GRIK2: variants seen among roughly 807,000 people sequenced by gnomAD.
GRIK2 encodes the protein glutamate receptor ionotropic, kainate 2.
GRIK2 carries 32 observed loss-of-function variants against 100.3 expected under a neutral mutation model. The ratio of observed to expected loss-of-function variants is 0.32; its 90% CI spans 0.24 to 0.43. GRIK2 has a LOEUF of 0.43. Ranked by LOEUF, GRIK2 falls within the 20% of genes least tolerant of loss-of-function variation. The pLI, the probability that GRIK2 is intolerant of heterozygous loss-of-function variation, is 1.00. For synonymous variants in GRIK2, 417 were observed against 389.4 expected, an observed-to-expected ratio of 1.07 and a Z score of -0.83; for missense variants, 843 against 1,114.9, an observed-to-expected ratio of 0.76 and a Z score of 3.47.
intron 4 of GRIK2, among the ~76,000 whole-genome samples, chr6:101,673,838 A>G (rs1242399164): frequency 6.6e-6 from 1 of 152,180 alleles, no homozygotes; most frequent in Admixed American, 6.6e-5. Flanking sequence ...CAGAAACTTC[A>G]TCTGATTTTG....
intron 2 of GRIK2, among the ~76,000 whole-genome samples, chr6:101,496,968 T>G (rs373136992): frequency 1.0e-3 from 154 of 152,310 alleles, no homozygotes; most frequent in African/African-American, 3.6e-3. Context: ...GAAAAATAAT[T>G]AAAGTAAAAG....
chr6:101,888,654 A>G (rs1786831698), intron 11 of GRIK2, among the ~76,000 whole-genome samples: 1 of 152,160 alleles, frequency 6.6e-6, no homozygotes, highest in Non-Finnish European at 1.5e-5. Flanking sequence ...AATATTGTCA[A>G]CAAACTTTTC....
intron 2 of GRIK2, among the ~76,000 whole-genome samples, chr6:101,506,154 AG>A (rs1774016256): frequency 6.6e-6 from 1 of 152,148 alleles, no homozygotes; most frequent in Admixed American, 6.6e-5. Flanking sequence ...CTGGGGTCTA[AG>A]CCCAGGGAGT....
At chr6:101,484,602 T>A (rs1772718152) in intron 2 of GRIK2, among the ~76,000 whole-genome samples, 1 of 151,860 alleles carries the variant, frequency 6.6e-6, no homozygotes, top group South Asian at 2.1e-4. Flanking sequence ...GGTATTTATG[T>A]CTGATATGAG....
At chr6:101,473,368 T>C (rs1236203867) in intron 2 of GRIK2, among the ~76,000 whole-genome samples, 1 of 151,548 alleles carries the variant, frequency 6.6e-6, no homozygotes, top group East Asian at 1.9e-4. Context: ...GGTACCCGAG[T>C]TTTTCTTATA....
At chr6:101,683,803 C>G (rs10452664) in intron 6 of GRIK2, among the ~76,000 whole-genome samples, 56 of 152,258 alleles carry the variant, frequency 3.7e-4, no homozygotes, top group African/African-American at 1.3e-3. Flanking sequence ...TCTGAATTGA[C>G]GTCTCTTCTG....
intron 2 of GRIK2, among the ~76,000 whole-genome samples, chr6:101,524,718 G>GTTTTTTTTT (rs11339091): frequency 1.5e-5 from 2 of 134,284 alleles, no homozygotes. Flanking sequence ...TTGCATGTTC[G>GTTTTTTTTT]TTTTTTTTTT....
At chr6:101,969,384 C>T (rs1344168671) in intron 14 of GRIK2, among the ~76,000 whole-genome samples, 2 of 151,356 alleles carry the variant, frequency 1.3e-5, no homozygotes, top group Admixed American at 1.3e-4. Context: ...TGTTCTATAG[C>T]CTGTTTAATT....
At chr6:102,029,794 T>G (rs1769889937) in intron 14 of GRIK2, among the ~76,000 whole-genome samples, 1 of 151,130 alleles carries the variant, frequency 6.6e-6, no homozygotes, top group Non-Finnish European at 1.5e-5. Context: ...ACAGTTGACC[T>G]CAATAAAATA....
intron 14 of GRIK2, among the ~76,000 whole-genome samples, chr6:101,991,337 T>C (rs1019141915): frequency 1.3e-5 from 2 of 151,284 alleles, no homozygotes; most frequent in Non-Finnish European, 3.0e-5. Context: ...GACAGGCAAG[T>C]AATAGTATGA....
intron 14 of GRIK2, among the ~76,000 whole-genome samples, chr6:102,006,392 T>A (rs2782910): frequency 0.18 from 17,436 of 94,872 alleles, 1,206 homozygotes; most frequent in Middle Eastern, 0.24. Context: ...ATATATATAT[T>A]TTTTTTTTTT....
At position 101,689,083 on chromosome 6, in the gene GRIK2, C is replaced by T. The variant is rs1243378682; in HGVS notation, c.951+2730C>T. On this transcript the variant is annotated intron_variant, in intron 7 of 16. Coordinates refer to ENST00000369134, the MANE Select transcript of GRIK2 (RefSeq NM_021956.5). The stretch of plus-strand genomic sequence containing the variant: ...TTCAATTTAAAATTGTAAGCATTTT[C>T]ACAAGTCATTAAATGTTTAGGAAAA... Among the ~76,000 whole-genome samples the T allele has an allele frequency of 1.3e-5, 2 of 151,810 alleles. 1 individual carries two copies. The highest frequency in any genetic ancestry group is 2.9e-5 in the Non-Finnish European group (2 of 67,862).
chr6:101,866,959 TTA>T (rs1178823164), intron 11 of GRIK2, among the ~76,000 whole-genome samples: 1 of 151,842 alleles, frequency 6.6e-6, no homozygotes, highest in African/African-American at 2.4e-5. Context: ...TTTTAAAGTT[TTA>T]GTTTGTCACA....
At chr6:101,750,268 G>A (rs560817047) in intron 7 of GRIK2, among the ~76,000 whole-genome samples, 1 of 152,292 alleles carries the variant, frequency 6.6e-6, no homozygotes, top group East Asian at 1.9e-4. Flanking sequence ...GAAGGTAAGT[G>A]ACAGGGCTAG....
intron 15 of GRIK2, among the ~76,000 whole-genome samples, chr6:102,053,037 C>A (rs1283251751): frequency 6.6e-6 from 1 of 151,828 alleles, no homozygotes; most frequent in Non-Finnish European, 1.5e-5. Flanking sequence ...CACTGCACTC[C>A]AGCCTGGGTG....
chr6:102,037,650 T>C (rs1770342758), intron 15 of GRIK2, among the ~76,000 whole-genome samples: 1 of 151,396 alleles, frequency 6.6e-6, no homozygotes, highest in Non-Finnish European at 1.5e-5. Flanking sequence ...TGTATTAAAA[T>C]GATTGTGTTT....
At position 101,729,826 on chromosome 6, in the gene GRIK2, TC is replaced by T. The variant is rs533474640; in HGVS notation, c.951+43474del. 7.2e-5 allele frequency among the ~76,000 whole-genome samples: 11 copies of T among 152,066 alleles called. No individual in the cohort carries two copies. The South Asian group carries it at 1.9e-3, about 26-fold the overall frequency. On this transcript the variant is annotated intron_variant, in intron 7 of 16. Coordinates refer to ENST00000369134, the MANE Select transcript of GRIK2 (RefSeq NM_021956.5). ...AATAGATTTGTCTAACAATATTTGT[TC>T]GGAAATAGAACATTTGGACTTTTTA...
intron 14 of GRIK2, among the ~76,000 whole-genome samples, chr6:101,974,276 G>A (rs372636919): frequency 3.3e-5 from 5 of 151,974 alleles, no homozygotes; most frequent in South Asian, 2.1e-4. Context: ...TTTTGAGTAC[G>A]TACTATGTCT....
chr6:101,701,329 A>G (rs1772880545), intron 7 of GRIK2, among the ~76,000 whole-genome samples: 1 of 152,084 alleles, frequency 6.6e-6, no homozygotes, highest in African/African-American at 2.4e-5. Context: ...CTCAGTAGTC[A>G]TGCCGGAACA....
Sources: gnomAD v4.1 joint callset for allele counts (sites outside exome capture counted in the v4.1 genomes callset) on GRCh38, gnomAD v4.1.1 for gene constraint, MANE v1.5 for transcripts, NCBI Gene and HGNC (gene_info 2026-07-23, HGNC 2026-07-21) for gene names.